Variants in HDAC5 observed in about 807,000 individuals in gnomAD.
The protein encoded by HDAC5 is histone deacetylase 5.
Under a neutral mutation model 133.3 loss-of-function variants are expected in HDAC5, and 25 were observed. The ratio of observed to expected loss-of-function variants is 0.19; its 90% CI spans 0.14 to 0.26. The LOEUF is 0.26. Among genes scored for constraint, HDAC5 ranks in the 10% least tolerant of loss-of-function variants. HDAC5 has a pLI of 1.00. For missense variants in HDAC5, 1,041 were observed against 1,460.5 expected (o/e 0.71, Z 4.68); for synonymous variants, 589 against 610.8 (o/e 0.96, Z 0.53).
rs994268479 is a variant in HDAC5 at position 44,098,716 on chromosome 17, G to A, written c.95-4882C>T. Among the ~76,000 whole-genome samples, 3 of 148,200 alleles carry A rather than the reference G, an allele frequency of 2.0e-5. No individual in the cohort carries two copies. The Admixed American group carries it at 2.1e-4, about 10-fold the overall frequency. On this transcript the variant is annotated intron_variant, in intron 3 of 26. Transcript: ENST00000682912. ...AGATCATGCCACTGCACTCTAGCCT[G>A]GGTGATAGAGCGAGACCCTATCTAA... is the stretch of plus-strand genomic sequence containing the variant.
intron 3 of HDAC5, among the ~76,000 whole-genome samples, chr17:44,100,354 G>T (rs929197099): frequency 1.3e-5 from 2 of 151,996 alleles, no homozygotes; most frequent in African/African-American, 4.8e-5. Flanking sequence ...GAAGCCCTGG[G>T]GGGAGGGAGC....
rs2052282712 is a variant in HDAC5, at chr17:44,110,748, C to A, written c.75G>T (p.Leu25=). The A allele has an allele frequency of 6.2e-7, 1 of 1,613,766 alleles. No individual in the cohort carries two copies. Among genetic ancestry groups the A allele is most frequent in the Admixed American group, 1.7e-5 (1 of 59,974 alleles). ...PSLEILPRTS[L]HSIPVTVEVK... is the part of the protein sequence containing the mutation. ...ACTTACCTGTCACAGGGATGCTGTGCAGAGAAGTCCGCGGCAGGATTTCCA... is the reference window on the plus strand; with the variant it reads ...ACTTACCTGTCACAGGGATGCTGTGAAGAGAAGTCCGCGGCAGGATTTCCA... Residue 25 remains leucine, a synonymous_variant, in exon 3 of 27, where the codon CTG becomes CTT. Coordinates refer to ENST00000682912, the MANE Select transcript of HDAC5 (RefSeq NM_005474.5).
At chr17:44,123,345 G>T (rs552172572) in intron 1 of HDAC5, 159 bp downstream of exon 1, 1 of 333,152 alleles carries the variant, frequency 3.0e-6, no homozygotes, top group Admixed American at 4.9e-5. Context: ...TGCTCCCGGG[G>T]GGCGCCGGCT....
At chr17:44,100,421 G>A (rs1243163714) in intron 3 of HDAC5, among the ~76,000 whole-genome samples, 1 of 151,940 alleles carries the variant, frequency 6.6e-6, no homozygotes, top group Middle Eastern at 3.4e-3. Context: ...AGCTCTAAAA[G>A]ACCCTGCTCC....
In HDAC5 at chr17:44,117,586, A is replaced by G; in HGVS notation, c.-71T>C. 1 of 1,556,038 alleles carries G rather than the reference A, an allele frequency of 6.4e-7. No homozygotes were observed. The highest frequency in any genetic ancestry group is 1.4e-5 in the African/African-American group (1 of 74,032). ...GAGGGGGTGGAGCTGCGGTGATGTC[A>G]AGAGAGACAGACGATAACAGACAGA... On this transcript the variant is annotated 5_prime_UTR_variant, in exon 2 of 27. An upstream open reading frame in the 5' UTR loses its in-frame stop. Transcript: ENST00000682912. The surrounding 1 kb of genome is among the most constrained non-coding windows in gnomAD (Gnocchi z 4.2).
intron 12 of HDAC5, 37 bp downstream of exon 12, chr17:44,088,350 C>CA (rs1567991974): frequency 6.5e-7 from 1 of 1,539,888 alleles, no homozygotes; most frequent in Non-Finnish European, 8.7e-7. Flanking sequence ...GTCCTGCCCC[C>CA]ACCACAGCCC....
chr17:44,084,274 C>T (rs1474958374), intron 16 of HDAC5, among the ~76,000 whole-genome samples: 2 of 152,170 alleles, frequency 1.3e-5, no homozygotes, highest in Non-Finnish European at 2.9e-5. Flanking sequence ...CCTCTGGGGG[C>T]AGGTGGCAGG....
chr17:44,101,891 G>C (rs577352316), intron 3 of HDAC5, among the ~76,000 whole-genome samples: 63 of 152,256 alleles, frequency 4.1e-4, no homozygotes, highest in African/African-American at 1.5e-3. Context: ...GGTAGGGGGA[G>C]GGGGGCAGGG....
chr17:44,119,149 A>G (rs1227471396), intron 1 of HDAC5, among the ~76,000 whole-genome samples: 1 of 152,230 alleles, frequency 6.6e-6, no homozygotes, highest in Non-Finnish European at 1.5e-5. Flanking sequence ...AAGACAAAAA[A>G]GGCTGCGCAG....
At chr17:44,122,714 G>A (rs570010655) in intron 1 of HDAC5, among the ~76,000 whole-genome samples, 85 of 152,258 alleles carry the variant, frequency 5.6e-4, no homozygotes, top group Non-Finnish European at 9.0e-4. Flanking sequence ...GGGCCCCAGG[G>A]AAGGGTGGGG....
At position 44,117,391 on chromosome 17, in the gene HDAC5, T is replaced by C. The variant is rs1316539959; in HGVS notation, c.22+103A>G. 26 of 1,263,938 alleles carry C rather than the reference T, an allele frequency of 2.1e-5. No homozygotes were observed. In the Admixed American group the frequency reaches 3.5e-4, roughly 17 times the overall value. The allele number at this position is 1,263,938 out of a possible 1,614,324, so 78.3% of individuals were successfully genotyped here. A position where few individuals can be genotyped will look rare whatever the true frequency, so the allele number is the denominator to read the frequency against. On this transcript the variant is annotated intron_variant, in intron 2 of 26. Transcript: ENST00000682912. The surrounding 1 kb of genome is among the most constrained non-coding windows in gnomAD (Gnocchi z 4.2). ...CACTCCTTACCCCCTCATTCCCTTATAGCTCAGACAGTAAAGGTCAGCTGG... is the reference window on the plus strand; with the variant it reads ...CACTCCTTACCCCCTCATTCCCTTACAGCTCAGACAGTAAAGGTCAGCTGG...
chr17:44,111,346 G>A (rs1000680335), intron 2 of HDAC5: 1 of 330,810 alleles, frequency 3.0e-6, no homozygotes, highest in Non-Finnish European at 6.0e-6. Context: ...AGGCCCCATG[G>A]GGGGGGAGGC....
At chr17:44,092,559 C>T (rs933741496) in intron 7 of HDAC5, 32 bp from the exon 8 acceptor site, 14 of 1,602,234 alleles carry the variant, frequency 8.7e-6, no homozygotes, top group East Asian at 2.2e-5. Context: ...TTCAGATACG[C>T]GCACAGCAGC....
Position 44,092,651 on chromosome 17 carries a change from G to A in HDAC5, c.772+25C>T, listed in dbSNP as rs374117280. On this transcript the variant is annotated intron_variant, in intron 7 of 26. Transcript: ENST00000682912. ...CTGCCTCCCAGGAGCCATATTCTGGGAGGCCAGGTGGGGGACTCACTCACC... is the reference window on the plus strand; with the variant it reads ...CTGCCTCCCAGGAGCCATATTCTGGAAGGCCAGGTGGGGGACTCACTCACC... 4 of 1,528,812 alleles carry A rather than the reference G, an allele frequency of 2.6e-6. No individual in the cohort carries two copies. The African/African-American group carries it at 5.6e-5, about 21-fold the overall frequency. The allele number at this position is 1,528,812 out of a possible 1,614,324, so 94.7% of individuals were successfully genotyped here.
chr17:44,090,124 T>G (rs912246130), intron 11 of HDAC5, among the ~76,000 whole-genome samples: 1 of 150,604 alleles, frequency 6.6e-6, no homozygotes, highest in East Asian at 2.0e-4. Flanking sequence ...TCCCAACTAC[T>G]TGGGAGGCTG....
chr17:44,078,975 C>G, intron 24 of HDAC5, 96 bp from the exon 25 acceptor site: 2 of 1,519,032 alleles, frequency 1.3e-6, no homozygotes, highest in Admixed American at 1.7e-5. Context: ...TCCCTCACAA[C>G]AGGGGCAAAC....
intron 26 of HDAC5, 22 bp downstream of exon 26, chr17:44,078,478 G>C: frequency 6.3e-7 from 1 of 1,595,066 alleles, no homozygotes; most frequent in Non-Finnish European, 8.6e-7. Flanking sequence ...AGGGCAGAGA[G>C]GTGGTGCGGG....
chr17:44,093,614 C>T lies in HDAC5; in HGVS notation c.315G>A (p.Leu105=). 2 of 1,612,070 alleles carry T rather than the reference C, an allele frequency of 1.2e-6. No homozygotes were observed. The highest frequency in any genetic ancestry group is 1.1e-5 in the South Asian group (1 of 90,928). The change falls in exon 4 of 27, where the codon CTG becomes CTA. Residue 105 remains leucine, a synonymous_variant. Transcript: ENST00000682912. ...GCAGCTGGACCTCATGCTGCCTTGT[C>T]AGGTGGTCATGCTGTTTCTGGAACT... ...FAEFQKQHDH[L]TRQHEVQLQK...
At chr17:44,114,171 T>A (rs2052504322) in intron 2 of HDAC5, among the ~76,000 whole-genome samples, 1 of 152,244 alleles carries the variant, frequency 6.6e-6, no homozygotes, top group Admixed American at 6.5e-5. Flanking sequence ...TTTGGAATGA[T>A]AGAGCAGGGA....
Sources: gnomAD v4.1 joint callset for allele counts (sites outside exome capture counted in the v4.1 genomes callset) on GRCh38, gnomAD v4.1.1 for gene constraint, Gnocchi (gnomAD v3.1) non-coding constraint, MANE v1.5 for transcripts, NCBI Gene and HGNC (gene_info 2026-07-23, HGNC 2026-07-21) for gene names.